MTUS1: variants seen among roughly 807,000 people sequenced by gnomAD.
MTUS1 encodes the protein microtubule associated scaffold protein 1.
A neutral mutation model predicts 120.8 loss-of-function variants in MTUS1; 109 were observed. The ratio of observed to expected loss-of-function variants is 0.90; its 90% CI spans 0.77 to 1.06. The LOEUF (loss-of-function observed/expected upper bound fraction) is 1.06. MTUS1 is among the 50% of genes least tolerant of loss of function. The probability of loss-of-function intolerance (pLI) is 0.00; values close to 1 mark genes in which losing one functional copy is unlikely to be tolerated. For missense variants in MTUS1, 2,210 were observed against 1,486.3 expected, an observed-to-expected ratio of 1.49 and a Z score of -8.01; for synonymous variants, 737 against 550.5, an observed-to-expected ratio of 1.34 and a Z score of -4.74.
chr8:17,658,489 A>G (rs538116243), intron 8 of MTUS1, among the ~76,000 whole-genome samples: 58 of 152,202 alleles, frequency 3.8e-4, no homozygotes, highest in Non-Finnish European at 7.2e-4. Flanking sequence ...CTGACTTTGG[A>G]CATTCCCAGT....
At chr8:17,766,396 T>A (rs2049489109) in intron 1 of MTUS1, among the ~76,000 whole-genome samples, 1 of 152,198 alleles carries the variant, frequency 6.6e-6, no homozygotes, top group Non-Finnish European at 1.5e-5. Flanking sequence ...CTCCATGAGA[T>A]CTCCTCCTAC....
At chr8:17,661,563 A>G (rs539439667) in intron 8 of MTUS1, among the ~76,000 whole-genome samples, 2 of 152,162 alleles carry the variant, frequency 1.3e-5, no homozygotes, top group Non-Finnish European at 2.9e-5. Context: ...TAATTGTGGC[A>G]CATCAGCCTT....
chr8:17,700,657 T>C (rs1818893620), intron 6 of MTUS1, among the ~76,000 whole-genome samples: 1 of 151,910 alleles, frequency 6.6e-6, no homozygotes, highest in Non-Finnish European at 1.5e-5. Flanking sequence ...GGATTTCTAT[T>C]TTTTCTTTAT....
Position 17,794,457 on chromosome 8 carries a change from T to TTC in MTUS1, c.-155+6602_-155+6603dup, listed in dbSNP as rs572016699. Among the ~76,000 whole-genome samples the TTC allele has an allele frequency of 5.6e-4, 86 of 152,328 alleles. No homozygotes were observed. In the East Asian group the frequency reaches 5.8e-3, roughly 10 times the overall value. On this transcript the variant is annotated intron_variant, in intron 1 of 14. Coordinates refer to ENST00000693296, the MANE Select transcript of MTUS1 (RefSeq NM_001363059.2). The stretch of plus-strand genomic sequence containing the variant: ...TATACACTACGTATAAATGACTTGG[T>TTC]TCTGTATGTGGGGCCTAGATTGGGG...
At chr8:17,697,302 G>C in intron 6 of MTUS1, 1 of 1,614,098 alleles carries the variant, frequency 6.2e-7, no homozygotes, top group Non-Finnish European at 8.5e-7. Context: ...GAAGGAAGTC[G>C]AAGGTTTCGA....
intron 1 of MTUS1, among the ~76,000 whole-genome samples, chr8:17,779,936 C>T (rs545571479): frequency 1.8e-3 from 269 of 152,318 alleles, no homozygotes; most frequent in Non-Finnish European, 2.0e-3. Flanking sequence ...TGTGACATCT[C>T]CACTTACATG....
intron 12 of MTUS1, among the ~76,000 whole-genome samples, 175 bp from the exon 13 acceptor site, chr8:17,650,137 G>C (rs1003847372): frequency 2.6e-5 from 4 of 152,198 alleles, no homozygotes; most frequent in African/African-American, 9.7e-5. Context: ...TCGAAGACTG[G>C]TCCTAATACT....
In MTUS1 at chr8:17,659,840, C is replaced by T. The variant is rs182941743; in HGVS notation, c.2906-3775G>A. ...CATCCATTCTCCAGAACGTTTCCCCCCAACCTGAAACTTCGTACCAATTAA... is the reference window on the plus strand; with the variant it reads ...CATCCATTCTCCAGAACGTTTCCCCTCAACCTGAAACTTCGTACCAATTAA... On this transcript the variant is annotated intron_variant, in intron 8 of 14. Coordinates refer to ENST00000693296, the MANE Select transcript of MTUS1 (RefSeq NM_001363059.2). 6.6e-5 allele frequency among the ~76,000 whole-genome samples: 10 copies of T among 152,276 alleles called. No individual in the cohort carries two copies. In the East Asian group the frequency reaches 1.5e-3, roughly 23 times the overall value.
At chr8:17,687,372 C>A (rs1304625363) in intron 6 of MTUS1, among the ~76,000 whole-genome samples, 1 of 152,154 alleles carries the variant, frequency 6.6e-6, no homozygotes, top group Non-Finnish European at 1.5e-5. Flanking sequence ...AACCCCAAGG[C>A]TCATCAATAC....
intron 1 of MTUS1, among the ~76,000 whole-genome samples, chr8:17,789,927 T>C (rs1489685787): frequency 6.6e-6 from 1 of 152,170 alleles, no homozygotes; most frequent in African/African-American, 2.4e-5. Context: ...CATTCGTCTC[T>C]TCCCAGTTCT....
At chr8:17,796,032 C>G (rs1728493634) in intron 1 of MTUS1, among the ~76,000 whole-genome samples, 1 of 152,038 alleles carries the variant, frequency 6.6e-6, no homozygotes, top group Non-Finnish European at 1.5e-5. Context: ...TCACTGCAAC[C>G]TCCGCCTCCT....
chr8:17,768,441 C>T (rs1333848340), intron 1 of MTUS1, among the ~76,000 whole-genome samples: 2 of 152,044 alleles, frequency 1.3e-5, no homozygotes, highest in Non-Finnish European at 2.9e-5. Context: ...AACTAATTTG[C>T]TTCTTTCTAA....
At chr8:17,791,243 CTGATG>C (rs1563400673) in intron 1 of MTUS1, among the ~76,000 whole-genome samples, 1 of 152,190 alleles carries the variant, frequency 6.6e-6, no homozygotes, top group African/African-American at 2.4e-5. Context: ...AACCGCAGGG[CTGATG>C]TGATCAGTTC....
chr8:17,710,203 A>T (rs1821012155), intron 6 of MTUS1, among the ~76,000 whole-genome samples: 1 of 152,140 alleles, frequency 6.6e-6, no homozygotes, highest in South Asian at 2.1e-4. Context: ...ACAGCAATGA[A>T]GTTTGCGACA....
intron 13 of MTUS1, among the ~76,000 whole-genome samples, chr8:17,648,894 C>A (rs6586616): frequency 0.13 from 20,196 of 152,206 alleles, 1,885 homozygotes; most frequent in African/African-American, 0.24. Flanking sequence ...ACTTAAGCTG[C>A]CTTGCCAAAC....
chr8:17,730,747 T>A (rs2046517272), intron 3 of MTUS1, among the ~76,000 whole-genome samples: 1 of 152,230 alleles, frequency 6.6e-6, no homozygotes, highest in Non-Finnish European at 1.5e-5. Context: ...TGTATGATTC[T>A]CTTTCATGAT....
At chr8:17,745,839 C>A (rs901109894) in intron 2 of MTUS1, among the ~76,000 whole-genome samples, 1 of 152,130 alleles carries the variant, frequency 6.6e-6, no homozygotes, top group Non-Finnish European at 1.5e-5. Context: ...GGATCTGTGT[C>A]CCCACCCAAA....
chr8:17,739,380 C>G (rs2047152148), intron 3 of MTUS1, among the ~76,000 whole-genome samples: 1 of 151,916 alleles, frequency 6.6e-6, no homozygotes, highest in African/African-American at 2.4e-5. Flanking sequence ...GTAATCCCAG[C>G]TACTCGGGAG....
At chr8:17,776,331 G>T (rs1463260043) in intron 1 of MTUS1, among the ~76,000 whole-genome samples, 2 of 151,756 alleles carry the variant, frequency 1.3e-5, no homozygotes, top group African/African-American at 2.4e-5. Context: ...GGTATTGACG[G>T]TGGGGGCGGG....
Sources: gnomAD v4.1 joint callset for allele counts (sites outside exome capture counted in the v4.1 genomes callset) on GRCh38, gnomAD v4.1.1 for gene constraint, MANE v1.5 for transcripts, NCBI Gene and HGNC (gene_info 2026-07-23, HGNC 2026-07-21) for gene names.